The following FSTL1 variants were observed in gnomAD, a reference collection of about 807,000 sequenced individuals.
FSTL1 encodes follistatin like 1, also known as follistatin-related protein 1.
FSTL1 carries 24 observed loss-of-function variants against 45.9 expected under a neutral mutation model. The ratio of observed to expected loss-of-function variants is 0.52; its 90% CI spans 0.38 to 0.74. The LOEUF (loss-of-function observed/expected upper bound fraction) is 0.74. Among genes scored for constraint, FSTL1 ranks in the 30% least tolerant of loss-of-function variants. The pLI is 0.00. For missense variants in FSTL1, 340 were observed against 381.8 expected, an observed-to-expected ratio of 0.89 and a Z score of 0.91; for synonymous variants, 120 against 137.6, an observed-to-expected ratio of 0.87 and a Z score of 0.89.
In FSTL1 at chr3:120,416,013, G is replaced by C; in HGVS notation, c.78C>G (p.Ser26Arg). 6.2e-7 allele frequency: 1 copy of C among 1,611,900 alleles called. No homozygotes were observed. Among genetic ancestry groups the C allele is most frequent in the East Asian group, 2.2e-5 (1 of 44,870 alleles). ...AWVRAEEELR[S>R]KSKICANVFC... ...ACACATTGGCACAGATCTTGGATTTGCTCCTTAGCTCTTCCTAAAACATAC... is the reference window on the plus strand; with the variant it reads ...ACACATTGGCACAGATCTTGGATTTCCTCCTTAGCTCTTCCTAAAACATAC... The change falls in exon 3 of 11, where the codon AGC becomes AGG. Residue 26 changes from serine (S) to arginine (R), a missense_variant. Coordinates refer to ENST00000295633, the MANE Select transcript of FSTL1 (RefSeq NM_007085.5).
chr3:120,415,906 C>T lies in FSTL1; in HGVS notation c.168+17G>A. On this transcript the variant is annotated intron_variant, in intron 3 of 10. Transcript: ENST00000295633. ...GGCCTTGGCCACTGTCCTCTGGCTC[C>T]CGACATCAGGACTTACCTCAATGCA... 2.6e-6 allele frequency: 4 copies of T among 1,537,958 alleles called. No homozygotes were observed. The African/African-American group carries it at 4.1e-5, about 16-fold the overall frequency.
intron 5 of FSTL1, chr3:120,410,693 T>G: frequency 3.3e-6 from 2 of 606,070 alleles, no homozygotes; most frequent in Non-Finnish European, 6.3e-6. Context: ...TTCCTGTTTA[T>G]GCAGTTCAAT....
intron 2 of FSTL1, among the ~76,000 whole-genome samples, chr3:120,428,322 G>A (rs1006638168): frequency 1.3e-5 from 2 of 152,214 alleles, no homozygotes; most frequent in East Asian, 3.8e-4. Flanking sequence ...CAACCAAGAG[G>A]TGAGACCATC....
intron 2 of FSTL1, among the ~76,000 whole-genome samples, chr3:120,428,234 C>T (rs565513904): frequency 6.6e-5 from 10 of 152,298 alleles, no homozygotes; most frequent in South Asian, 2.1e-4. Context: ...CACGAGTTGC[C>T]GGGACAGCAA....
intron 2 of FSTL1, chr3:120,438,284 C>A (rs1248596926): frequency 6.6e-6 from 1 of 152,072 alleles, no homozygotes; most frequent in Non-Finnish European, 1.5e-5. Flanking sequence ...CCCAAAATTT[C>A]TTGATCGACT....
At chr3:120,423,608 G>A (rs1271475351) in intron 2 of FSTL1, 1 of 152,118 alleles carries the variant, frequency 6.6e-6, no homozygotes, top group African/African-American at 2.4e-5. Context: ...TCCGGTACTT[G>A]AGAGAGGTGC....
chr3:120,440,929 G>A (rs1012900204), intron 2 of FSTL1, among the ~76,000 whole-genome samples: 1 of 152,224 alleles, frequency 6.6e-6, no homozygotes, highest in Non-Finnish European at 1.5e-5. Context: ...CCAGGGCCAG[G>A]AAGGGGTGGG....
At chr3:120,400,492 C>A (rs1312477592) in intron 9 of FSTL1, among the ~76,000 whole-genome samples, 2 of 152,180 alleles carry the variant, frequency 1.3e-5, no homozygotes, top group Non-Finnish European at 2.9e-5. Context: ...CTGAAACTTG[C>A]ACAGTGATAA....
In FSTL1 at chr3:120,396,748, T is replaced by TC. The variant is rs1182189748; in HGVS notation, c.*203dup. The stretch of plus-strand genomic sequence containing the variant: ...CCATTTACAGTTTCTCTTAAAGCAC[T>TC]CCTAGAAATGAAGGCTGTGGCCCTT... On this transcript the variant is annotated 3_prime_UTR_variant, in exon 11 of 11. Transcript: ENST00000295633. 1 of 576,330 alleles carries TC rather than the reference T, an allele frequency of 1.7e-6. No homozygotes were observed. The highest frequency in any genetic ancestry group is 3.1e-6 in the Non-Finnish European group (1 of 324,184). 35.7% of individuals were successfully genotyped at this position (576,330 alleles called of 1,614,324 possible). A position where few individuals can be genotyped will look rare whatever the true frequency, so the allele number is the denominator to read the frequency against.
At chr3:120,443,623 CAT>C (rs947915970) in intron 2 of FSTL1, among the ~76,000 whole-genome samples, 5 of 149,870 alleles carry the variant, frequency 3.3e-5, no homozygotes, top group Admixed American at 6.6e-5. Context: ...CACACACACA[CAT>C]GCACACATGC....
rs190133484 is a variant in FSTL1 at position 120,439,187 on chromosome 3, A to G, written c.63+11497T>C. ...GGTTTTGCTCAGCTAATGCAAACAC[A>G]TGACACAACCTCTGACAGGCTCCAG... On this transcript the variant is annotated intron_variant, in intron 2 of 10. Transcript: ENST00000295633. Among the ~76,000 whole-genome samples, 637 of 152,316 alleles carry G rather than the reference A, an allele frequency of 4.2e-3. 5 individuals carry two copies. Among genetic ancestry groups the G allele is most frequent in the African/African-American group, 0.013 (553 of 41,570 alleles).
At chr3:120,427,414 C>T (rs893111449) in intron 2 of FSTL1, among the ~76,000 whole-genome samples, 1 of 152,148 alleles carries the variant, frequency 6.6e-6, no homozygotes, top group African/African-American at 2.4e-5. Flanking sequence ...ACCTAGTATA[C>T]CTTGTGCCAC....
chr3:120,414,811 TC>T (rs1166802597), intron 3 of FSTL1, among the ~76,000 whole-genome samples: 1 of 151,748 alleles, frequency 6.6e-6, no homozygotes, highest in Non-Finnish European at 1.5e-5. Flanking sequence ...TTAAGAGTCA[TC>T]ACCACTCCCT....
intron 2 of FSTL1, among the ~76,000 whole-genome samples, chr3:120,449,212 G>A (rs1048027336): frequency 7.2e-5 from 11 of 152,226 alleles, no homozygotes; most frequent in African/African-American, 2.7e-4. Context: ...CCCTGGGCAA[G>A]TTACCTAATC....
intron 2 of FSTL1, among the ~76,000 whole-genome samples, chr3:120,440,540 G>A (rs534899618): frequency 1.3e-5 from 2 of 152,318 alleles, no homozygotes; most frequent in Admixed American, 1.3e-4. Flanking sequence ...TTCTCACATT[G>A]CATCACTTTG....
intron 9 of FSTL1, among the ~76,000 whole-genome samples, chr3:120,401,004 A>C (rs985516523): frequency 6.6e-6 from 1 of 152,246 alleles, no homozygotes; most frequent in Non-Finnish European, 1.5e-5. Flanking sequence ...TGTCTGATGC[A>C]TGTGATAGAG....
At chr3:120,411,790 C>T in intron 4 of FSTL1, 64 bp downstream of exon 4, 1 of 1,480,374 alleles carries the variant, frequency 6.8e-7, no homozygotes. Context: ...AGCCAGGCCA[C>T]ACTGCTCTGT....
In FSTL1 at chr3:120,403,878, G is replaced by A. The variant is rs368084798; in HGVS notation, c.582-524C>T. Among the ~76,000 whole-genome samples the A allele has an allele frequency of 1.9e-3, 227 of 121,264 alleles. 3 individuals carry two copies. The highest frequency in any genetic ancestry group is 6.8e-3 in the African/African-American group (212 of 31,108). 79.6% of individuals were successfully genotyped at this position (121,264 alleles called of 152,430 possible). On this transcript the variant is annotated intron_variant, in intron 7 of 10. Transcript: ENST00000295633. ...TCAGCTTGCAGTGAGCCGAGATCCC[G>A]CCACTGCACTCCAGCCTGGGCGACA...
chr3:120,403,431 A>G (rs1936867406), intron 7 of FSTL1, 77 bp from the exon 8 acceptor site: 1 of 873,660 alleles, frequency 1.1e-6, no homozygotes, highest in African/African-American at 1.7e-5. Context: ...CATCAGGACC[A>G]CATACACCCA....
Sources: allele counts gnomAD v4.1 joint callset (sites outside exome capture counted in the v4.1 genomes callset), GRCh38; gene constraint gnomAD v4.1.1; transcripts MANE v1.5; gene names NCBI Gene and HGNC (gene_info 2026-07-23, HGNC 2026-07-21).